Variants in RIC1 observed in about 807,000 individuals in gnomAD.
RIC1 encodes the protein guanine nucleotide exchange factor subunit RIC1.
RIC1 carries 88 observed loss-of-function variants against 169.0 expected under a neutral mutation model. That is an observed-to-expected ratio of 0.52 (90% CI 0.44 to 0.62). The LOEUF is 0.62. RIC1 is among the 20% of genes least tolerant of loss of function. The pLI is 0.00. For missense variants in RIC1, 1,877 were observed against 1,725.5 expected, an observed-to-expected ratio of 1.09 and a Z score of -1.56; for synonymous variants, 790 against 601.5, an observed-to-expected ratio of 1.31 and a Z score of -4.59.
At chr9:5,690,746 C>G (rs1179888843) in intron 3 of RIC1, among the ~76,000 whole-genome samples, 1 of 151,578 alleles carries the variant, frequency 6.6e-6, no homozygotes. Flanking sequence ...ACATTAACAG[C>G]AAATAACTTG....
chr9:5,673,501 C>T (rs975008950), intron 2 of RIC1, among the ~76,000 whole-genome samples: 1 of 131,630 alleles, frequency 7.6e-6, no homozygotes, highest in Non-Finnish European at 1.6e-5. Context: ...AGGGAAGGTA[C>T]CCCACAAAAT....
chr9:5,769,462 G>A (rs1827047962), intron 22 of RIC1: 1 of 1,463,392 alleles, frequency 6.8e-7, no homozygotes, highest in Non-Finnish European at 9.0e-7. Flanking sequence ...TAAGTCTTGT[G>A]ACCTTGAAGT....
At chr9:5,713,620 G>A (rs992179147) in intron 3 of RIC1, 7 of 254,878 alleles carry the variant, frequency 2.7e-5, no homozygotes, top group Non-Finnish European at 5.3e-5. Flanking sequence ...TTTAGAGTTA[G>A]TTCACTTTTA....
chr9:5,768,334 T>G (rs1826941890), intron 21 of RIC1, among the ~76,000 whole-genome samples: 1 of 152,152 alleles, frequency 6.6e-6, no homozygotes, highest in Non-Finnish European at 1.5e-5. Context: ...AAGATGAGTC[T>G]GGGCAACACA....
chr9:5,681,360 G>A (rs1054397995), intron 2 of RIC1, among the ~76,000 whole-genome samples: 3 of 152,076 alleles, frequency 2.0e-5, no homozygotes, highest in African/African-American at 7.2e-5. Flanking sequence ...TGGTTATGTT[G>A]TGTCTTTGTT....
chr9:5,710,214 G>T (rs1822851931), intron 3 of RIC1, among the ~76,000 whole-genome samples: 1 of 152,158 alleles, frequency 6.6e-6, no homozygotes, highest in Non-Finnish European at 1.5e-5. Context: ...ACAGAATATA[G>T]GAGTGAGGCA....
intron 3 of RIC1, among the ~76,000 whole-genome samples, chr9:5,697,944 A>T (rs981381245): frequency 2.6e-5 from 4 of 152,240 alleles, no homozygotes; most frequent in African/African-American, 9.6e-5. Flanking sequence ...TAAAGTGATT[A>T]GTTGTCAAGG....
At chr9:5,636,964 G>C (rs1021056298) in intron 1 of RIC1, among the ~76,000 whole-genome samples, 1 of 152,018 alleles carries the variant, frequency 6.6e-6, no homozygotes, top group African/African-American at 2.4e-5. Context: ...ATGAATTTAA[G>C]GTATTTGTCA....
chr9:5,766,128 G>A (rs2007489), intron 21 of RIC1, among the ~76,000 whole-genome samples: 46,530 of 152,038 alleles, frequency 0.31, 7,927 homozygotes, highest in East Asian at 0.59. Context: ...TGCAACCTCC[G>A]CCTTACAGGT....
At chr9:5,696,779 T>C (rs1416265693) in intron 3 of RIC1, among the ~76,000 whole-genome samples, 1 of 152,262 alleles carries the variant, frequency 6.6e-6, no homozygotes, top group African/African-American at 2.4e-5. Context: ...AGATTGGATG[T>C]TAGATACTGT....
At chr9:5,688,738 A>C (rs1369706805) in intron 2 of RIC1, among the ~76,000 whole-genome samples, 1 of 152,152 alleles carries the variant, frequency 6.6e-6, no homozygotes, top group African/African-American at 2.4e-5. Context: ...CCTTTGAAAA[A>C]CAGGAAGCCA....
At chr9:5,707,786 A>G (rs1175325085) in intron 3 of RIC1, among the ~76,000 whole-genome samples, 1 of 152,122 alleles carries the variant, frequency 6.6e-6, no homozygotes, top group Non-Finnish European at 1.5e-5. Context: ...TTTCTTGTAG[A>G]CAGCTTATAA....
Position 5,738,546 on chromosome 9 carries a change from T to TTA in RIC1, c.901+9_901+10insAT. 5.1e-5 allele frequency: 9 copies of TTA among 177,560 alleles called. No individual in the cohort carries two copies. The highest frequency in any genetic ancestry group is 8.0e-5 in the Non-Finnish European group (9 of 112,318). 11.0% of individuals were successfully genotyped at this position (177,560 alleles called of 1,614,324 possible). Reference sequence around the variant, plus strand: ...CAGCAAAACAGTATCCTGGTGAGTCTTTTTTTTTTTTTTTTTTTTTAACAT... The same window carrying TTA: ...CAGCAAAACAGTATCCTGGTGAGTCTTATTTTTTTTTTTTTTTTTTTTAACAT... On this transcript the variant is annotated intron_variant, in intron 8 of 25. Transcript: ENST00000414202.
chr9:5,643,480 C>G (rs1168912405), intron 1 of RIC1, among the ~76,000 whole-genome samples: 3 of 151,930 alleles, frequency 2.0e-5, no homozygotes, highest in Non-Finnish European at 4.4e-5. Flanking sequence ...GGCAACCCAG[C>G]CAGGATGACA....
chr9:5,708,139 C>G (rs1822704355), intron 3 of RIC1, among the ~76,000 whole-genome samples: 1 of 152,096 alleles, frequency 6.6e-6, no homozygotes, highest in Admixed American at 6.6e-5. Context: ...TGAAGTAATA[C>G]CAACTTAGCT....
chr9:5,754,788 G>A, intron 14 of RIC1, 53 bp from the exon 15 acceptor site: 1 of 1,044,508 alleles, frequency 9.6e-7, no homozygotes, highest in Non-Finnish European at 1.4e-6. Context: ...ATATTACTTT[G>A]TTATAATTTC....
chr9:5,752,528 C>A (rs776222126), intron 12 of RIC1, among the ~76,000 whole-genome samples: 4 of 151,558 alleles, frequency 2.6e-5, no homozygotes, highest in Admixed American at 2.6e-4. Context: ...GCAACCTCTG[C>A]CTCCCGGGTT....
At chr9:5,691,213 A>G (rs1821574336) in intron 3 of RIC1, among the ~76,000 whole-genome samples, 1 of 152,098 alleles carries the variant, frequency 6.6e-6, no homozygotes, top group Non-Finnish European at 1.5e-5. Context: ...AACAAGTCAC[A>G]CAAAATTATA....
At chr9:5,630,869 T>C (rs561314261) in intron 1 of RIC1, among the ~76,000 whole-genome samples, 5 of 152,360 alleles carry the variant, frequency 3.3e-5, no homozygotes, top group Non-Finnish European at 4.4e-5. Context: ...TTAATTTGTT[T>C]AGGTGTATAT....
Sources: gnomAD v4.1 joint callset for allele counts (sites outside exome capture counted in the v4.1 genomes callset) on GRCh38, gnomAD v4.1.1 for gene constraint, MANE v1.5 for transcripts, NCBI Gene and HGNC (gene_info 2026-07-23, HGNC 2026-07-21) for gene names.